GRAMD1C: variants seen among roughly 807,000 people sequenced by gnomAD.
GRAMD1C encodes GRAM domain containing 1C.
GRAMD1C carries 89 observed loss-of-function variants against 97.8 expected under a neutral mutation model. That is an observed-to-expected ratio of 0.91 (90% CI 0.77 to 1.09). The LOEUF is 1.09. GRAMD1C is among the 50% of genes least tolerant of loss of function. The probability of loss-of-function intolerance (pLI) is 0.00; values close to 1 mark genes in which losing one functional copy is unlikely to be tolerated. For missense variants in GRAMD1C, 740 were observed against 766.4 expected (o/e 0.97, Z 0.41); for synonymous variants, 256 against 267.0 (o/e 0.96, Z 0.40).
At chr3:113,935,547 TATATATATACAC>T (rs1257918093) in intron 13 of GRAMD1C, among the ~76,000 whole-genome samples, 2 of 151,810 alleles carry the variant, frequency 1.3e-5, no homozygotes, top group Admixed American at 6.6e-5. Context: ...CGTGTGTGTA[TATATATATACAC>T]ATATATATAC....
chr3:113,890,249 A>G (rs1000323237), intron 6 of GRAMD1C, among the ~76,000 whole-genome samples: 1 of 152,126 alleles, frequency 6.6e-6, no homozygotes, highest in Non-Finnish European at 1.5e-5. Context: ...ATGGTAAGGG[A>G]GTAGAAGTGA....
chr3:113,910,868 A>G (rs1193454304), intron 9 of GRAMD1C, among the ~76,000 whole-genome samples: 2 of 152,094 alleles, frequency 1.3e-5, no homozygotes. Flanking sequence ...ATCCAGAGAG[A>G]AGGACAGAGG....
chr3:113,940,275 T>C lies in GRAMD1C; in HGVS notation c.1838T>C (p.Ile613Thr). ...GATATGGTGTCAAGAGCAGAAACTA[T>C]TCAGAAGAATAAAGATCAGGCCCAT... The part of the protein sequence containing the change: ...ASDMVSRAET[I>T]QKNKDQAHRL... The change falls in exon 17 of 18, where the codon ATT becomes ACT. Residue 613 changes from isoleucine to threonine, a missense_variant. Transcript: ENST00000358160. The C allele has an allele frequency of 3.1e-6, 5 of 1,610,706 alleles. No homozygotes were observed. The highest frequency in any genetic ancestry group is 4.2e-6 in the Non-Finnish European group (5 of 1,176,858).
chr3:113,930,570 G>A, intron 10 of GRAMD1C, 144 bp from the exon 11 acceptor site: 2 of 515,356 alleles, frequency 3.9e-6, no homozygotes, highest in African/African-American at 1.9e-5. Flanking sequence ...TTTCTTTAAT[G>A]TTAAACTTAT....
intron 17 of GRAMD1C, among the ~76,000 whole-genome samples, chr3:113,944,124 C>T (rs1559831227): frequency 2.0e-5 from 3 of 152,048 alleles, no homozygotes; most frequent in Non-Finnish European, 4.4e-5. Flanking sequence ...ATCCTGGAGA[C>T]TGGGTAATTT....
intron 2 of GRAMD1C, among the ~76,000 whole-genome samples, chr3:113,856,383 T>G (rs193251459): frequency 6.6e-6 from 1 of 152,196 alleles, no homozygotes; most frequent in Non-Finnish European, 1.5e-5. Flanking sequence ...AATTAAGCTA[T>G]TGACATGGAT....
rs1382701795 is a variant in GRAMD1C at position 113,945,408 on chromosome 3, C to T, written c.1919C>T (p.Ser640Leu). ...SIVMLEQLKSSLIMLQKTFDL... is the reference protein window; with the variant it reads ...SIVMLEQLKSLLIMLQKTFDL... ...TAACTTTGTTTACAGCTGAAGAGCT[C>T]ACTCATTATGCTTCAGAAAACGTTT... is the stretch of plus-strand genomic sequence containing the variant. Residue 640 changes from serine to leucine, a missense_variant, in exon 18 of 18, where the codon TCA becomes TTA. Ser to Leu is a moderately radical substitution (Grantham distance 145, BLOSUM62 -2). Transcript: ENST00000358160. 5 of 1,572,888 alleles carry T rather than the reference C, an allele frequency of 3.2e-6. No homozygotes were observed. The African/African-American group carries it at 6.8e-5, about 21-fold the overall frequency.
chr3:113,911,640 CTTCT>C (rs1481617168), intron 9 of GRAMD1C, among the ~76,000 whole-genome samples: 7 of 147,296 alleles, frequency 4.8e-5, no homozygotes, highest in South Asian at 2.2e-4. Context: ...CCTTTCTTTC[CTTCT>C]TTCTTTTTCT....
At position 113,938,846 on chromosome 3, in the gene GRAMD1C, G is replaced by C. The variant is rs372423316; in HGVS notation, c.1691+703G>C. The C allele has an allele frequency of 1.2e-4, 18 of 152,196 alleles. No homozygotes were observed. In the East Asian group the frequency reaches 2.9e-3, roughly 25 times the overall value. The allele number at this position is 152,196 out of a possible 1,614,324, so 9.4% of individuals were successfully genotyped here. Reference sequence around the variant, plus strand: ...GGTTCTGACTTAGTGATATATTGAAGGTGATAATTTTTGGATTGGAGCTTC... The same window carrying C: ...GGTTCTGACTTAGTGATATATTGAACGTGATAATTTTTGGATTGGAGCTTC... On this transcript the variant is annotated intron_variant, in intron 15 of 17. Transcript: ENST00000358160.
chr3:113,891,582 A>C (rs1168375757), intron 6 of GRAMD1C, among the ~76,000 whole-genome samples: 2 of 152,084 alleles, frequency 1.3e-5, no homozygotes, highest in South Asian at 4.1e-4. Flanking sequence ...CATTTGATAT[A>C]TATTAAAAAT....
intron 8 of GRAMD1C, among the ~76,000 whole-genome samples, chr3:113,905,740 G>A (rs1377916802): frequency 6.6e-6 from 1 of 151,634 alleles, no homozygotes; most frequent in African/African-American, 2.4e-5. Context: ...TTGTTGCCCA[G>A]GCTGGAGTGC....
intron 2 of GRAMD1C, chr3:113,850,381 T>C: frequency 1.2e-6 from 1 of 826,218 alleles, no homozygotes; most frequent in Non-Finnish European, 2.1e-6. Flanking sequence ...CTTCCCCTTT[T>C]GTGAGTCTTG....
intron 6 of GRAMD1C, among the ~76,000 whole-genome samples, chr3:113,883,902 T>C (rs368400644): frequency 1.3e-5 from 2 of 152,250 alleles, no homozygotes; most frequent in East Asian, 3.9e-4. Context: ...CCCAGCACTT[T>C]GGGGGACTTG....
At chr3:113,886,022 G>A in intron 6 of GRAMD1C, 1 of 1,422,208 alleles carries the variant, frequency 7.0e-7, no homozygotes, top group Non-Finnish European at 9.5e-7. Context: ...ACCAACATCG[G>A]CTCTGGTGAC....
Position 113,889,177 on chromosome 3 carries a change from G to C in GRAMD1C, c.540+6345G>C, listed in dbSNP as rs572427192. On this transcript the variant is annotated intron_variant, in intron 6 of 17. Transcript: ENST00000358160. ...ATCGCGCTATTGCACTCCAGCCTGG[G>C]CAGTAAGAGCAAAACTCCTTCTAAA... Among the ~76,000 whole-genome samples the C allele has an allele frequency of 3.5e-5, 5 of 141,488 alleles. No individual in the cohort carries two copies. The South Asian group carries it at 1.2e-3, about 35-fold the overall frequency. 92.8% of individuals were successfully genotyped at this position (141,488 alleles called of 152,430 possible).
chr3:113,881,823 C>T (rs1231764111), intron 5 of GRAMD1C, among the ~76,000 whole-genome samples: 1 of 152,084 alleles, frequency 6.6e-6, no homozygotes, highest in Non-Finnish European at 1.5e-5. Context: ...GGAAGAGATC[C>T]TGCATATATC....
At position 113,945,775 on chromosome 3, in the gene GRAMD1C, T is replaced by C. The variant is rs1938042512; in HGVS notation, c.*297T>C. 3.2e-6 allele frequency: 1 copy of C among 309,628 alleles called. No homozygotes were observed. Among genetic ancestry groups the C allele is most frequent in the African/African-American group, 2.2e-5 (1 of 44,808 alleles). The allele number at this position is 309,628 out of a possible 1,614,324, so 19.2% of individuals were successfully genotyped here. On this transcript the variant is annotated 3_prime_UTR_variant, in exon 18 of 18. Coordinates refer to ENST00000358160, the MANE Select transcript of GRAMD1C (RefSeq NM_017577.5). ...CAAAAAGAAAATGACACACCCTGAA[T>C]TGAGTGGTATGGTCTCATTTCTACA...
In GRAMD1C at chr3:113,890,985, A is replaced by G. The variant is rs1296109387; in HGVS notation, c.540+8153A>G. 3 of 498,372 alleles carry G rather than the reference A, an allele frequency of 6.0e-6. No individual in the cohort carries two copies. The East Asian group carries it at 9.4e-5, about 16-fold the overall frequency. 30.9% of individuals were successfully genotyped at this position (498,372 alleles called of 1,614,324 possible). On this transcript the variant is annotated intron_variant, in intron 6 of 17. Transcript: ENST00000358160. Reference sequence around the variant, plus strand: ...GTAAAATTTACCCTTCTTTGAAAAGATCCTGATATTATCTGTGTTTCTGAT... The same window carrying G: ...GTAAAATTTACCCTTCTTTGAAAAGGTCCTGATATTATCTGTGTTTCTGAT...
chr3:113,890,046 C>T (rs180822616), intron 6 of GRAMD1C, among the ~76,000 whole-genome samples: 1 of 144,804 alleles, frequency 6.9e-6, no homozygotes, highest in Admixed American at 7.1e-5. Context: ...GCCTCCAGAG[C>T]TCTTCATGTT....
Sources: gnomAD v4.1 joint callset for allele counts (sites outside exome capture counted in the v4.1 genomes callset) on GRCh38, gnomAD v4.1.1 for gene constraint, MANE v1.5 for transcripts, NCBI Gene and HGNC (gene_info 2026-07-23, HGNC 2026-07-21) for gene names.